The following LCLAT1 variants were observed in gnomAD, a reference collection of about 807,000 sequenced individuals.
LCLAT1 encodes 1-AGP acyltransferase 8.
Under a neutral mutation model 30.7 loss-of-function variants are expected in LCLAT1, and 11 were observed. The observed-to-expected ratio is 0.36, with a 90% CI of 0.23 to 0.59. The LOEUF (loss-of-function observed/expected upper bound fraction) is 0.59, where lower values mean the gene tolerates loss of function less well. LCLAT1 is among the 20% of genes least tolerant of loss of function. LCLAT1 has a pLI of 0.77. For synonymous variants in LCLAT1, 155 were observed against 151.3 expected (o/e 1.02, Z -0.18); for missense variants, 402 against 458.6 (o/e 0.88, Z 1.13).
At chr2:30,473,341 A>G (rs1357849) in intron 1 of LCLAT1, among the ~76,000 whole-genome samples, 56,607 of 151,994 alleles carry the variant, frequency 0.37, 11,768 homozygotes, top group Non-Finnish European at 0.47. Flanking sequence ...ATCTGAATCT[A>G]TTACGATCTT....
chr2:30,596,451 A>T (rs1348277311), intron 5 of LCLAT1, among the ~76,000 whole-genome samples: 21 of 150,348 alleles, frequency 1.4e-4, no homozygotes, highest in Admixed American at 6.0e-4. Flanking sequence ...TTTTGAGAAG[A>T]GTCTGTTCAT....
In LCLAT1 at chr2:30,454,175, G is replaced by A. The variant is rs147007185; in HGVS notation, c.-5+6792G>A. Among the ~76,000 whole-genome samples the A allele has an allele frequency of 4.5e-4, 69 of 152,218 alleles. No individual in the cohort carries two copies. In the East Asian group the frequency reaches 0.011, roughly 25 times the overall value. ...AATGTAACTTACGGTAGCTACTTAG[G>A]GTGAGTCTGTCTATAATGTGGGAGA... On this transcript the variant is annotated intron_variant, in intron 1 of 5. Coordinates refer to ENST00000379509, the MANE Select transcript of LCLAT1 (RefSeq NM_001002257.3).
At chr2:30,547,682 C>T (rs1018893956) in intron 3 of LCLAT1, among the ~76,000 whole-genome samples, 11 of 151,810 alleles carry the variant, frequency 7.2e-5, no homozygotes, top group African/African-American at 1.9e-4. Flanking sequence ...GGCATTCCCT[C>T]AAAGAGGGGG....
At chr2:30,596,023 T>C (rs1375033601) in intron 5 of LCLAT1, among the ~76,000 whole-genome samples, 3 of 152,210 alleles carry the variant, frequency 2.0e-5, no homozygotes, top group African/African-American at 7.2e-5. Context: ...TACCACATTT[T>C]CTTTAGTCTG....
intron 5 of LCLAT1, among the ~76,000 whole-genome samples, chr2:30,630,544 T>G (rs534338531): frequency 6.6e-6 from 1 of 152,368 alleles, no homozygotes; most frequent in East Asian, 1.9e-4. Context: ...GGGAAATATT[T>G]TTTGAATTCA....
intron 1 of LCLAT1, among the ~76,000 whole-genome samples, chr2:30,517,940 G>A (rs1215967960): frequency 6.6e-6 from 1 of 152,152 alleles, no homozygotes; most frequent in Admixed American, 6.5e-5. Context: ...AAAGCGCTGA[G>A]GCCACTGACA....
At chr2:30,612,747 A>C (rs959238060) in intron 5 of LCLAT1, among the ~76,000 whole-genome samples, 5 of 152,062 alleles carry the variant, frequency 3.3e-5, no homozygotes, top group Non-Finnish European at 7.4e-5. Flanking sequence ...CTCATAATGC[A>C]CCTTTCTACT....
intron 1 of LCLAT1, among the ~76,000 whole-genome samples, chr2:30,501,136 C>T (rs1341207120): frequency 2.0e-5 from 3 of 148,070 alleles, no homozygotes; most frequent in African/African-American, 7.5e-5. Flanking sequence ...ACATTTCTTT[C>T]CTGCTTATAA....
At chr2:30,620,482 A>T (rs962538284) in intron 5 of LCLAT1, among the ~76,000 whole-genome samples, 1 of 152,138 alleles carries the variant, frequency 6.6e-6, no homozygotes, top group Non-Finnish European at 1.5e-5. Context: ...TGGCAGCTCC[A>T]TAGGAACCTA....
intron 3 of LCLAT1, among the ~76,000 whole-genome samples, chr2:30,559,157 T>C (rs1665078506): frequency 6.6e-6 from 1 of 152,164 alleles, no homozygotes; most frequent in African/African-American, 2.4e-5. Context: ...GTGTTAGAAG[T>C]TGGAGTATTG....
intron 5 of LCLAT1, among the ~76,000 whole-genome samples, chr2:30,577,696 A>G (rs943958392): frequency 2.6e-5 from 4 of 152,184 alleles, no homozygotes; most frequent in Non-Finnish European, 4.4e-5. Flanking sequence ...ACAGTAATCT[A>G]CAATGTGTTG....
intron 3 of LCLAT1, among the ~76,000 whole-genome samples, chr2:30,548,966 C>A (rs1160359659): frequency 6.6e-6 from 1 of 152,124 alleles, no homozygotes; most frequent in Non-Finnish European, 1.5e-5. Flanking sequence ...TTACTTTCTT[C>A]CATTGGGAAG....
At chr2:30,621,167 A>G (rs1403057521) in intron 5 of LCLAT1, among the ~76,000 whole-genome samples, 1 of 152,122 alleles carries the variant, frequency 6.6e-6, no homozygotes, top group Non-Finnish European at 1.5e-5. Context: ...TCCCTGCTTA[A>G]ATTTTAGGAT....
chr2:30,563,711 C>T (rs1053366029), intron 4 of LCLAT1, among the ~76,000 whole-genome samples: 14 of 152,180 alleles, frequency 9.2e-5, no homozygotes, highest in Non-Finnish European at 4.4e-5. Context: ...GGTAAATAAA[C>T]ATACTATTCA....
intron 5 of LCLAT1, among the ~76,000 whole-genome samples, chr2:30,604,444 ACTT>A: frequency 6.6e-6 from 1 of 152,266 alleles, no homozygotes; most frequent in East Asian, 1.9e-4. Context: ...TTTCCAAACT[ACTT>A]AATTCTGTTG....
At chr2:30,468,703 C>T (rs13424441) in intron 1 of LCLAT1, among the ~76,000 whole-genome samples, 19,251 of 152,150 alleles carry the variant, frequency 0.13, 1,351 homozygotes, top group South Asian at 0.23. Flanking sequence ...TTCTACCCAG[C>T]CTCTGGCAAC....
intron 1 of LCLAT1, among the ~76,000 whole-genome samples, chr2:30,480,158 A>G (rs1683250015): frequency 6.6e-6 from 1 of 152,210 alleles, no homozygotes; most frequent in South Asian, 2.1e-4. Context: ...AGGACCCCAT[A>G]TAAAAGTAGC....
chr2:30,559,970 T>C (rs1665114797), intron 3 of LCLAT1, among the ~76,000 whole-genome samples: 1 of 152,236 alleles, frequency 6.6e-6, no homozygotes, highest in African/African-American at 2.4e-5. Flanking sequence ...AGGTAGATAC[T>C]GTTGCATTGT....
intron 1 of LCLAT1, among the ~76,000 whole-genome samples, chr2:30,505,328 CTT>C (rs3061277): frequency 0.66 from 91,062 of 138,120 alleles, 30,758 homozygotes; most frequent in East Asian, 0.84. Context: ...AGGGGCAAAA[CTT>C]TTTTTTTTTT....
Sources: allele counts gnomAD v4.1 joint callset (sites outside exome capture counted in the v4.1 genomes callset), GRCh38; gene constraint gnomAD v4.1.1; transcripts MANE v1.5; gene names NCBI Gene and HGNC (gene_info 2026-07-23, HGNC 2026-07-21).